The following CTDSPL variants were observed in gnomAD, a reference collection of about 807,000 sequenced individuals.
CTDSPL encodes the protein CTD small phosphatase like.
Under a neutral mutation model 30.5 loss-of-function variants are expected in CTDSPL, and 8 were observed. That is an observed-to-expected ratio of 0.26 (90% CI 0.15 to 0.47). CTDSPL has a LOEUF of 0.47. Among genes scored for constraint, CTDSPL ranks in the 20% least tolerant of loss-of-function variants. The probability of loss-of-function intolerance (pLI) is 0.99; values close to 1 mark genes in which losing one functional copy is unlikely to be tolerated. For synonymous variants in CTDSPL, 110 were observed against 137.9 expected (o/e 0.80, Z 1.42); for missense variants, 248 against 366.1 (o/e 0.68, Z 2.63).
intron 1 of CTDSPL, among the ~76,000 whole-genome samples, chr3:37,912,342 TAG>T (rs2125606432): frequency 6.6e-6 from 1 of 152,342 alleles, no homozygotes; most frequent in African/African-American, 2.4e-5. Flanking sequence ...ACAGGATTTG[TAG>T]TACCCAGCCT....
intron 2 of CTDSPL, among the ~76,000 whole-genome samples, chr3:37,955,827 C>A (rs188387003): frequency 6.8e-6 from 1 of 146,834 alleles, no homozygotes; most frequent in East Asian, 1.9e-4. Context: ...TGCACATGTA[C>A]CCCTGAACCT....
intron 3 of CTDSPL, among the ~76,000 whole-genome samples, chr3:37,959,410 A>G (rs951660415): frequency 3.3e-5 from 5 of 152,260 alleles, no homozygotes; most frequent in African/African-American, 7.2e-5. Context: ...ATATCTCTCA[A>G]TGTAATCCTA....
chr3:37,964,055 A>C, intron 3 of CTDSPL, among the ~76,000 whole-genome samples: 1 of 149,888 alleles, frequency 6.7e-6, no homozygotes, highest in Non-Finnish European at 1.5e-5. Context: ...AAAAAAAAAA[A>C]AAAAAAAAAA....
intron 1 of CTDSPL, among the ~76,000 whole-genome samples, chr3:37,882,384 G>A (rs1487646539): frequency 6.7e-6 from 1 of 150,314 alleles, no homozygotes; most frequent in Non-Finnish European, 1.5e-5. Context: ...AGAGCTTGCA[G>A]TGAGCTGAGA....
chr3:37,927,676 G>GTATA (rs1559635988), intron 1 of CTDSPL, among the ~76,000 whole-genome samples: 32 of 121,292 alleles, frequency 2.6e-4, no homozygotes, highest in Middle Eastern at 4.1e-3. Flanking sequence ...GTGTGTGTGT[G>GTATA]TGTATGTGTA....
At chr3:37,913,287 T>A (rs1449210108) in intron 1 of CTDSPL, among the ~76,000 whole-genome samples, 2 of 152,120 alleles carry the variant, frequency 1.3e-5, no homozygotes, top group Non-Finnish European at 2.9e-5. Flanking sequence ...GCCACTGCAC[T>A]CCAGCCTGGG....
At chr3:37,955,545 C>T (rs1057022195) in intron 2 of CTDSPL, among the ~76,000 whole-genome samples, 6 of 152,332 alleles carry the variant, frequency 3.9e-5, no homozygotes, top group Middle Eastern at 3.4e-3. Context: ...TTTGCAGCAA[C>T]ATGGTTGGAG....
chr3:37,978,568 C>T (rs1045175579), intron 7 of CTDSPL, among the ~76,000 whole-genome samples: 1 of 152,184 alleles, frequency 6.6e-6, no homozygotes, highest in African/African-American at 2.4e-5. Context: ...TTCACTACCA[C>T]CTGGCACACG....
chr3:37,960,649 G>A (rs1699235136), intron 3 of CTDSPL, among the ~76,000 whole-genome samples: 1 of 149,850 alleles, frequency 6.7e-6, no homozygotes, highest in Non-Finnish European at 1.5e-5. Flanking sequence ...AGAATCACGT[G>A]AACCCGGGAG....
chr3:37,976,416 A>T (rs1048980757), intron 7 of CTDSPL, among the ~76,000 whole-genome samples: 1 of 152,016 alleles, frequency 6.6e-6, no homozygotes, highest in South Asian at 2.1e-4. Context: ...GGCAGATCAC[A>T]AGGTCAGGAG....
At chr3:37,960,265 GA>G (rs757311719) in intron 3 of CTDSPL, among the ~76,000 whole-genome samples, 7 of 151,746 alleles carry the variant, frequency 4.6e-5, no homozygotes, top group African/African-American at 9.7e-5. Context: ...CAGATCACCT[GA>G]GGTCGGGAGT....
intron 1 of CTDSPL, among the ~76,000 whole-genome samples, chr3:37,909,045 T>C (rs917808339): frequency 5.3e-5 from 8 of 152,338 alleles, no homozygotes; most frequent in African/African-American, 1.9e-4. Context: ...ATAAAGTGTT[T>C]TTCTTTAAAT....
At chr3:37,935,079 C>G (rs1301302691) in intron 1 of CTDSPL, among the ~76,000 whole-genome samples, 1 of 152,256 alleles carries the variant, frequency 6.6e-6, no homozygotes, top group Non-Finnish European at 1.5e-5. Context: ...ATGATCATCT[C>G]TTGTGGCTAC....
rs1029171607 is a variant in CTDSPL at position 37,983,423 on chromosome 3, T to C, written c.*2556T>C. The C allele has an allele frequency of 1.2e-4, 19 of 152,596 alleles. No homozygotes were observed. The highest frequency in any genetic ancestry group is 3.4e-4 in the African/African-American group (14 of 41,434). The allele number at this position is 152,596 out of a possible 1,614,324, so 9.5% of individuals were successfully genotyped here. ...TTTTTTAAGGTAAATACGGGTATTG[T>C]TTTTAATTATTACCATGTATTAAAT... On this transcript the variant is annotated 3_prime_UTR_variant, in exon 8 of 8. Coordinates refer to ENST00000273179, the MANE Select transcript of CTDSPL (RefSeq NM_001008392.2).
Position 37,977,113 on chromosome 3 carries a change from A to T in CTDSPL, c.705+1219A>T, listed in dbSNP as rs561902290. ...ATACTCCAAATGTATTTCTATGTAA[A>T]TGTGTTCATTTTACTGAGTAAATCA... On this transcript the variant is annotated intron_variant, in intron 7 of 7. Transcript: ENST00000273179. Among the ~76,000 whole-genome samples, 13 of 152,354 alleles carry T rather than the reference A, an allele frequency of 8.5e-5. No individual in the cohort carries two copies. The South Asian group carries it at 2.5e-3, about 29-fold the overall frequency.
At chr3:37,932,315 T>A (rs2125615689) in intron 1 of CTDSPL, among the ~76,000 whole-genome samples, 1 of 152,278 alleles carries the variant, frequency 6.6e-6, no homozygotes, top group South Asian at 2.1e-4. Context: ...GAACCATTTT[T>A]AAAAAAGATT....
intron 1 of CTDSPL, among the ~76,000 whole-genome samples, chr3:37,892,443 A>G (rs1421277849): frequency 1.3e-5 from 2 of 152,220 alleles, no homozygotes; most frequent in Non-Finnish European, 2.9e-5. Context: ...GTCTTATAAC[A>G]TATTTTTTTA....
rs1553685848 is a variant in CTDSPL at position 37,948,814 on chromosome 3, T to TTTTCTTTTC, written c.234+1606_234+1607insCTTTTCTTT. Among the ~76,000 whole-genome samples, 24 of 133,592 alleles carry TTTTCTTTTC rather than the reference T, an allele frequency of 1.8e-4. No individual in the cohort carries two copies. The East Asian group carries it at 4.2e-3, about 23-fold the overall frequency. 87.6% of individuals were successfully genotyped at this position (133,592 alleles called of 152,430 possible). On this transcript the variant is annotated intron_variant, in intron 2 of 7. Transcript: ENST00000273179. ...GAGACCATTTTCCAGCTTTCTTTTT[T>TTTTCTTTTC]TTTTTTTTTTTTTTTTTGAGACGGA...
At chr3:37,923,671 C>G (rs1388996354) in intron 1 of CTDSPL, among the ~76,000 whole-genome samples, 1 of 152,088 alleles carries the variant, frequency 6.6e-6, no homozygotes, top group Non-Finnish European at 1.5e-5. Context: ...TGTGGGAATT[C>G]AAATTGTACA....
Sources: gnomAD v4.1 joint callset for allele counts (sites outside exome capture counted in the v4.1 genomes callset) on GRCh38, gnomAD v4.1.1 for gene constraint, MANE v1.5 for transcripts, NCBI Gene and HGNC (gene_info 2026-07-23, HGNC 2026-07-21) for gene names.